TRDN: variants seen among roughly 807,000 people sequenced by gnomAD.
TRDN encodes triadin, also known as triadin in skeletal muscle.
In TRDN, 161 loss-of-function variants were observed where a neutral mutation model predicts 149.7. The observed-to-expected ratio is 1.08, with a 90% CI of 0.95 to 1.23. The LOEUF (loss-of-function observed/expected upper bound fraction) is 1.23. TRDN is among the 50% of genes most tolerant of loss of function. The probability of loss-of-function intolerance (pLI) is 0.00; values close to 1 mark genes in which losing one functional copy is unlikely to be tolerated. For missense variants in TRDN, 896 were observed against 823.5 expected (o/e 1.09, Z -1.08); for synonymous variants, 294 against 250.5 (o/e 1.17, Z -1.64).
At chr6:123,314,273 A>G (rs763444913) in intron 24 of TRDN, among the ~76,000 whole-genome samples, 1 of 152,074 alleles carries the variant, frequency 6.6e-6, no homozygotes, top group Non-Finnish European at 1.5e-5. Context: ...TGATTATTAG[A>G]GAAATGCAAA....
At chr6:123,512,779 A>AT (rs146370434) in intron 6 of TRDN, among the ~76,000 whole-genome samples, 9,449 of 152,160 alleles carry the variant, frequency 0.062, 987 homozygotes, top group African/African-American at 0.22. Context: ...TTTACATACT[A>AT]TTTTTTCAAG....
intron 2 of TRDN, among the ~76,000 whole-genome samples, chr6:123,557,021 G>C (rs1781702217): frequency 6.6e-6 from 1 of 151,944 alleles, no homozygotes; most frequent in South Asian, 2.1e-4. Flanking sequence ...GCTCATCCTA[G>C]CTCAAAAGCT....
chr6:123,365,534 G>C (rs968747852), intron 20 of TRDN, among the ~76,000 whole-genome samples: 1 of 152,102 alleles, frequency 6.6e-6, no homozygotes, highest in Non-Finnish European at 1.5e-5. Context: ...GGTTTTAGTG[G>C]AGTATGTGTG....
At chr6:123,511,726 C>A (rs1215590446) in intron 7 of TRDN, among the ~76,000 whole-genome samples, 1 of 152,088 alleles carries the variant, frequency 6.6e-6, no homozygotes, top group Non-Finnish European at 1.5e-5. Flanking sequence ...GCCCACGAGG[C>A]TGAAATCAAG....
At chr6:123,470,438 A>T (rs751713963) in intron 9 of TRDN, 5 of 152,196 alleles carry the variant, frequency 3.3e-5, no homozygotes, top group Non-Finnish European at 7.3e-5. Context: ...AATGGTGAAG[A>T]TAGGGCCATA....
At chr6:123,285,671 A>G (rs976682602) in intron 24 of TRDN, among the ~76,000 whole-genome samples, 1 of 152,098 alleles carries the variant, frequency 6.6e-6, no homozygotes, top group African/African-American at 2.4e-5. Context: ...TGGAACAAAA[A>G]CTATGATAAA....
chr6:123,529,152 C>T (rs1354703916), intron 5 of TRDN: 3 of 1,536,168 alleles, frequency 2.0e-6, no homozygotes. Context: ...ATTAATAGCA[C>T]AGTCTGCAAG....
intron 9 of TRDN, among the ~76,000 whole-genome samples, chr6:123,484,691 A>T (rs1222886461): frequency 6.6e-6 from 1 of 152,190 alleles, no homozygotes; most frequent in African/African-American, 2.4e-5. Context: ...CAAAAAAGCC[A>T]CTTTAAGGAA....
At chr6:123,591,476 C>T (rs1388694423) in intron 1 of TRDN, among the ~76,000 whole-genome samples, 2 of 152,142 alleles carry the variant, frequency 1.3e-5, no homozygotes, top group Non-Finnish European at 2.9e-5. Context: ...GAACTCCTGA[C>T]CTCAGATGAT....
intron 1 of TRDN, among the ~76,000 whole-genome samples, chr6:123,612,450 CA>C (rs889484708): frequency 4.6e-4 from 66 of 144,728 alleles, no homozygotes; most frequent in Admixed American, 6.2e-4. Flanking sequence ...AACAGCAATC[CA>C]AAAAAAAAAA....
intron 9 of TRDN, chr6:123,470,403 A>G (rs140512267): frequency 6.6e-6 from 1 of 152,214 alleles, no homozygotes; most frequent in Non-Finnish European, 1.5e-5. Context: ...TGGAGATAAT[A>G]GTACAAATGA....
chr6:123,432,318 T>C (rs1774368244), intron 12 of TRDN, among the ~76,000 whole-genome samples: 1 of 152,164 alleles, frequency 6.6e-6, no homozygotes, highest in Non-Finnish European at 1.5e-5. Context: ...CACCTAATCA[T>C]ATATTGTATA....
chr6:123,353,266 G>A (rs1762599921), intron 20 of TRDN, among the ~76,000 whole-genome samples: 2 of 151,642 alleles, frequency 1.3e-5, no homozygotes, highest in Admixed American at 6.6e-5. Context: ...GATTGATGAG[G>A]AACTGATTAT....
chr6:123,373,492 T>A (rs1294019744), intron 19 of TRDN, among the ~76,000 whole-genome samples: 1 of 152,148 alleles, frequency 6.6e-6, no homozygotes, highest in East Asian at 1.9e-4. Flanking sequence ...ATTCTGAAGG[T>A]GATGTACGTC....
intron 40 of TRDN, among the ~76,000 whole-genome samples, chr6:123,221,181 G>A (rs972604130): frequency 7.9e-5 from 12 of 151,682 alleles, no homozygotes; most frequent in African/African-American, 2.9e-4. Flanking sequence ...TATAAAGCAG[G>A]CAGTAAGACA....
chr6:123,340,623 CA>C (rs1780030829), intron 21 of TRDN, among the ~76,000 whole-genome samples: 3 of 152,008 alleles, frequency 2.0e-5, no homozygotes, highest in Admixed American at 2.0e-4. Flanking sequence ...AATATAACTT[CA>C]AAAACTCTCT....
At chr6:123,396,525 T>C (rs1000435891) in intron 12 of TRDN, among the ~76,000 whole-genome samples, 4 of 152,214 alleles carry the variant, frequency 2.6e-5, no homozygotes, top group African/African-American at 9.6e-5. Flanking sequence ...TAAATAGTAT[T>C]TTGGACTTTT....
chr6:123,324,518 TA>T (rs2114713696), intron 23 of TRDN, among the ~76,000 whole-genome samples: 3 of 152,144 alleles, frequency 2.0e-5, no homozygotes, highest in Admixed American at 2.0e-4. Flanking sequence ...AGAAGCATAT[TA>T]GAACATATGC....
intron 1 of TRDN, among the ~76,000 whole-genome samples, chr6:123,580,671 A>G (rs921585486): frequency 5.9e-5 from 9 of 152,276 alleles, no homozygotes; most frequent in African/African-American, 2.2e-4. Flanking sequence ...TACCCTGTCA[A>G]AAAGAGACCC....
Sources: allele counts gnomAD v4.1 joint callset (sites outside exome capture counted in the v4.1 genomes callset), GRCh38; gene constraint gnomAD v4.1.1; transcripts MANE v1.5; gene names NCBI Gene and HGNC (gene_info 2026-07-23, HGNC 2026-07-21).